Variants in MAST4 observed in about 807,000 individuals in gnomAD.
MAST4 encodes microtubule associated serine/threonine kinase family member 4, also known as microtubule-associated serine/threonine-protein kinase 4.
Under a neutral mutation model 162.7 loss-of-function variants are expected in MAST4, and 89 were observed. The ratio of observed to expected loss-of-function variants is 0.55; its 90% CI spans 0.46 to 0.65. MAST4 has a LOEUF of 0.65. Ranked by LOEUF, MAST4 falls within the 30% of genes least tolerant of loss-of-function variation. The pLI is 0.00. For synonymous variants in MAST4, 1,479 were observed against 1,361.1 expected, an observed-to-expected ratio of 1.09 and a Z score of -1.91; for missense variants, 3,153 against 3,374.0, an observed-to-expected ratio of 0.93 and a Z score of 1.62.
chr5:67,143,644 G>T (rs75469462), intron 21 of MAST4, among the ~76,000 whole-genome samples: 4,952 of 152,202 alleles, frequency 0.033, 286 homozygotes, highest in African/African-American at 0.11. Context: ...AGATGCACCT[G>T]CAAATTGGCC....
At chr5:66,915,266 CA>C (rs70987147) in intron 4 of MAST4, among the ~76,000 whole-genome samples, 12,647 of 83,524 alleles carry the variant, frequency 0.15, 515 homozygotes, top group East Asian at 0.23. Context: ...ACTCTTGTCT[CA>C]AAAAAAAAAA....
chr5:66,844,736 A>T (rs1054461482), intron 3 of MAST4, among the ~76,000 whole-genome samples: 1 of 152,084 alleles, frequency 6.6e-6, no homozygotes, highest in Non-Finnish European at 1.5e-5. Flanking sequence ...GGATAAGTAG[A>T]TGAGTATAAA....
intron 27 of MAST4, among the ~76,000 whole-genome samples, chr5:67,161,629 A>T (rs1773192277): frequency 6.6e-6 from 1 of 152,228 alleles, no homozygotes; most frequent in African/African-American, 2.4e-5. Flanking sequence ...AGAAACAGGT[A>T]AAAGAATACA....
chr5:67,005,818 A>G (rs1261756923), intron 4 of MAST4, among the ~76,000 whole-genome samples: 2 of 152,260 alleles, frequency 1.3e-5, no homozygotes, highest in African/African-American at 4.8e-5. Flanking sequence ...ACAGAAAAGT[A>G]AGATTGTTGT....
At chr5:66,807,413 G>A (rs1047169834) in intron 3 of MAST4, among the ~76,000 whole-genome samples, 13 of 151,974 alleles carry the variant, frequency 8.6e-5, no homozygotes, top group South Asian at 2.1e-4. Context: ...GGAGAATGGC[G>A]TGAACCCGGG....
At chr5:66,872,027 G>A (rs1760966003) in intron 3 of MAST4, among the ~76,000 whole-genome samples, 1 of 152,180 alleles carries the variant, frequency 6.6e-6, no homozygotes, top group African/African-American at 2.4e-5. Context: ...ATCCATTTGA[G>A]TATGCCAATT....
At chr5:67,002,697 A>G (rs1056352426) in intron 4 of MAST4, among the ~76,000 whole-genome samples, 1 of 152,072 alleles carries the variant, frequency 6.6e-6, no homozygotes, top group Non-Finnish European at 1.5e-5. Flanking sequence ...CTCTTCATTT[A>G]TGTATATCAG....
chr5:66,911,355 C>G (rs568829258), intron 4 of MAST4, among the ~76,000 whole-genome samples: 1 of 152,288 alleles, frequency 6.6e-6, no homozygotes, highest in South Asian at 2.1e-4. Flanking sequence ...TGGCAGGAAC[C>G]TGACCTAGCA....
chr5:66,879,131 T>C (rs1368127187), intron 3 of MAST4, among the ~76,000 whole-genome samples: 2 of 151,752 alleles, frequency 1.3e-5, no homozygotes, highest in Non-Finnish European at 2.9e-5. Flanking sequence ...TACAAAAAAT[T>C]AGCTGGGCGT....
chr5:66,599,694 G>A (rs552498240), intron 1 of MAST4, among the ~76,000 whole-genome samples: 3 of 152,200 alleles, frequency 2.0e-5, no homozygotes, highest in South Asian at 2.1e-4. Flanking sequence ...TCAGAGAATC[G>A]GAGGCTATGT....
chr5:66,911,953 C>G (rs968479692), intron 4 of MAST4, among the ~76,000 whole-genome samples: 1 of 152,124 alleles, frequency 6.6e-6, no homozygotes, highest in African/African-American at 2.4e-5. Context: ...ACTTTAGCGT[C>G]GAGTGCCTAA....
At chr5:66,701,484 G>A (rs948427971) in intron 1 of MAST4, among the ~76,000 whole-genome samples, 2 of 152,154 alleles carry the variant, frequency 1.3e-5, no homozygotes, top group African/African-American at 4.8e-5. Flanking sequence ...AAGCCCAGGT[G>A]TGTTTAGCTG....
intron 15 of MAST4, among the ~76,000 whole-genome samples, chr5:67,131,487 T>C (rs1208598000): frequency 6.6e-6 from 1 of 152,062 alleles, no homozygotes; most frequent in Non-Finnish European, 1.5e-5. Context: ...TCAGGTAGCC[T>C]GATTCTAGAA....
chr5:66,879,309 G>GAT lies in MAST4; in HGVS notation c.643-20627_643-20626dup, dbSNP rs748056195. Among the ~76,000 whole-genome samples, 626 of 146,734 alleles carry GAT rather than the reference G, an allele frequency of 4.3e-3. 2 individuals are homozygous for GAT. The highest frequency in any genetic ancestry group is 0.014 in the African/African-American group (558 of 39,864). On this transcript the variant is annotated intron_variant, in intron 3 of 28. Transcript: ENST00000403625. The stretch of plus-strand genomic sequence containing the variant: ...AAAAGTACAAATTAAAAATTGTACT[G>GAT]ATATATATATATATATTTTATGTGT...
At chr5:66,825,261 GACACACACACACAC>G (rs56076405) in intron 3 of MAST4, among the ~76,000 whole-genome samples, 5,212 of 135,626 alleles carry the variant, frequency 0.038, 150 homozygotes, top group South Asian at 0.11. Flanking sequence ...TAAAAACTAA[GACACACACACACAC>G]ACACACACAC....
At chr5:67,117,110 A>G (rs948647371) in intron 12 of MAST4, among the ~76,000 whole-genome samples, 5 of 152,326 alleles carry the variant, frequency 3.3e-5, no homozygotes, top group Non-Finnish European at 5.9e-5. Context: ...TAATTGCTTA[A>G]CATAGTGTTT....
chr5:66,749,704 T>A (rs1437064704), intron 1 of MAST4, among the ~76,000 whole-genome samples: 1 of 152,248 alleles, frequency 6.6e-6, no homozygotes, highest in African/African-American at 2.4e-5. Flanking sequence ...TCATCCTTAC[T>A]GCCACCCCAG....
rs569969266 is a variant in MAST4, at chr5:66,750,347, G to T, written c.364-9362G>T. ...GTCTACAGCTCCCAGCGTGAGCGACGCAGGAAACGGTGATTTCTGCATTTC... is the reference window on the plus strand; with the variant it reads ...GTCTACAGCTCCCAGCGTGAGCGACTCAGGAAACGGTGATTTCTGCATTTC... On this transcript the variant is annotated intron_variant, in intron 1 of 28. Transcript: ENST00000403625. 4.6e-5 allele frequency among the ~76,000 whole-genome samples: 7 copies of T among 152,336 alleles called. No homozygotes were observed. In the South Asian group the frequency reaches 1.4e-3, roughly 32 times the overall value.
At chr5:66,865,018 A>G (rs1410178027) in intron 3 of MAST4, among the ~76,000 whole-genome samples, 1 of 152,206 alleles carries the variant, frequency 6.6e-6, no homozygotes, top group Admixed American at 6.5e-5. Flanking sequence ...TGTTTGGCCC[A>G]TGAAAGAGAG....
Sources: gnomAD v4.1 joint callset for allele counts (sites outside exome capture counted in the v4.1 genomes callset) on GRCh38, gnomAD v4.1.1 for gene constraint, MANE v1.5 for transcripts, NCBI Gene and HGNC (gene_info 2026-07-23, HGNC 2026-07-21) for gene names.